Variants in TMTC2 observed in about 807,000 individuals in gnomAD.
TMTC2 encodes the protein transmembrane O-mannosyltransferase targeting cadherins 2.
A neutral mutation model predicts 82.4 loss-of-function variants in TMTC2; 43 were observed. The ratio of observed to expected loss-of-function variants is 0.52; its 90% CI spans 0.41 to 0.67. TMTC2 has a LOEUF of 0.67. Ranked by LOEUF, TMTC2 falls within the 30% of genes least tolerant of loss-of-function variation. TMTC2 has a pLI of 0.00. For synonymous variants in TMTC2, 408 were observed against 381.9 expected, an observed-to-expected ratio of 1.07 and a Z score of -0.80; for missense variants, 919 against 1,012.4, an observed-to-expected ratio of 0.91 and a Z score of 1.25.
intron 1 of TMTC2, among the ~76,000 whole-genome samples, chr12:82,828,624 T>C (rs976237291): frequency 1.3e-5 from 2 of 152,182 alleles, no homozygotes; most frequent in Admixed American, 6.5e-5. Flanking sequence ...CTAGGTTGTT[T>C]AGAGGAAAAG....
intron 2 of TMTC2, among the ~76,000 whole-genome samples, chr12:82,863,232 T>G (rs2137123719): frequency 6.6e-6 from 1 of 152,292 alleles, no homozygotes; most frequent in African/African-American, 2.4e-5. Context: ...ACTCAACACC[T>G]GTGCCACTCT....
At chr12:82,691,433 G>A (rs1872573300) in intron 1 of TMTC2, among the ~76,000 whole-genome samples, 1 of 151,998 alleles carries the variant, frequency 6.6e-6, no homozygotes, top group Non-Finnish European at 1.5e-5. Context: ...TTTCATTTGG[G>A]TATAAATGGA....
Position 82,857,463 on chromosome 12 carries a change from A to C in TMTC2, c.537A>C (p.Ala179=). The change falls in exon 2 of 12, where the codon GCA becomes GCC. Residue 179 remains alanine, a synonymous_variant. Coordinates refer to ENST00000321196, the MANE Select transcript of TMTC2 (RefSeq NM_152588.3). Reference sequence around the variant, plus strand: ...GGTTCCTGGGGTCAGGACTGTGCGCAGGATGCAGCATGTTGTGGAAGGAAC... The same window carrying C: ...GGTTCCTGGGGTCAGGACTGTGCGCCGGATGCAGCATGTTGTGGAAGGAAC... ...WGWFLGSGLC[A]GCSMLWKEQG... 6.2e-7 allele frequency: 1 copy of C among 1,614,236 alleles called. No homozygotes were observed. The highest frequency in any genetic ancestry group is 8.5e-7 in the Non-Finnish European group (1 of 1,180,048).
At chr12:82,828,629 G>A (rs1242953518) in intron 1 of TMTC2, among the ~76,000 whole-genome samples, 1 of 152,062 alleles carries the variant, frequency 6.6e-6, no homozygotes, top group Non-Finnish European at 1.5e-5. Flanking sequence ...TTGTTTAGAG[G>A]AAAAGAAACA....
intron 1 of TMTC2, among the ~76,000 whole-genome samples, chr12:82,820,262 T>C (rs11115442): frequency 0.1 from 15,811 of 152,184 alleles, 2,776 homozygotes; most frequent in African/African-American, 0.36. Context: ...TTGCCAACAC[T>C]GTCATAGACA....
At chr12:82,960,284 T>C (rs928596572) in intron 4 of TMTC2, among the ~76,000 whole-genome samples, 1 of 152,088 alleles carries the variant, frequency 6.6e-6, no homozygotes, top group Non-Finnish European at 1.5e-5. Context: ...ACTGGGTATG[T>C]ACCCAGAGGA....
intron 1 of TMTC2, among the ~76,000 whole-genome samples, chr12:82,741,062 A>G (rs1215613653): frequency 6.6e-6 from 1 of 152,196 alleles, no homozygotes; most frequent in African/African-American, 2.4e-5. Flanking sequence ...GGGGTCATGT[A>G]CTTTAGTGAT....
intron 2 of TMTC2, 140 bp downstream of exon 2, chr12:82,857,720 G>T (rs937419200): frequency 2.7e-6 from 2 of 737,926 alleles, no homozygotes; most frequent in African/African-American, 3.5e-5. Context: ...GTAAGTGGAA[G>T]TGTCCTTTTG....
At chr12:82,721,453 A>G (rs1180270044) in intron 1 of TMTC2, among the ~76,000 whole-genome samples, 1 of 152,136 alleles carries the variant, frequency 6.6e-6, no homozygotes, top group East Asian at 1.9e-4. Flanking sequence ...TGGTTTAGCC[A>G]CTTGAACTAC....
rs187550788 is a variant in TMTC2 at position 82,804,700 on chromosome 12, G to A, written c.84-52310G>A. On this transcript the variant is annotated intron_variant, in intron 1 of 11. Coordinates refer to ENST00000321196, the MANE Select transcript of TMTC2 (RefSeq NM_152588.3). The stretch of plus-strand genomic sequence containing the variant: ...GTTTTCAGAAGGAGTAACTTTTTCC[G>A]GTATTGAATAGTGCAGTGAGGCTTT... 2.0e-3 allele frequency among the ~76,000 whole-genome samples: 302 copies of A among 152,062 alleles called. 2 individuals are homozygous for A. Among genetic ancestry groups the A allele is most frequent in the Admixed American group, 5.8e-3 (88 of 15,280 alleles).
At chr12:82,709,185 C>A (rs780523534) in intron 1 of TMTC2, among the ~76,000 whole-genome samples, 1 of 151,588 alleles carries the variant, frequency 6.6e-6, no homozygotes, top group Non-Finnish European at 1.5e-5. Flanking sequence ...CAAATGGTTG[C>A]AGTTTGAATG....
At chr12:82,694,419 A>C (rs1364314351) in intron 1 of TMTC2, among the ~76,000 whole-genome samples, 1 of 152,226 alleles carries the variant, frequency 6.6e-6, no homozygotes, top group East Asian at 1.9e-4. Flanking sequence ...TTATTCCTGT[A>C]CCACATTGCT....
chr12:82,769,430 T>C (rs750297231), intron 1 of TMTC2, among the ~76,000 whole-genome samples: 14 of 151,854 alleles, frequency 9.2e-5, no homozygotes, highest in Non-Finnish European at 1.9e-4. Flanking sequence ...GAGCTGAGAT[T>C]GTGCCACTGT....
At chr12:82,960,884 C>A (rs934854605) in intron 4 of TMTC2, among the ~76,000 whole-genome samples, 3 of 151,752 alleles carry the variant, frequency 2.0e-5, no homozygotes, top group African/African-American at 7.3e-5. Context: ...AAGATTTGGA[C>A]ATGATCTGCA....
chr12:82,735,507 G>A (rs1005967892), intron 1 of TMTC2, among the ~76,000 whole-genome samples: 21 of 151,806 alleles, frequency 1.4e-4, no homozygotes, highest in South Asian at 2.1e-4. Flanking sequence ...CACCACGCCC[G>A]GCTAATTTTT....
At chr12:82,937,211 C>G (rs1592640492) in intron 4 of TMTC2, among the ~76,000 whole-genome samples, 1 of 152,116 alleles carries the variant, frequency 6.6e-6, no homozygotes, top group Non-Finnish European at 1.5e-5. Flanking sequence ...GATCTGAAAA[C>G]TAGAAATTCG....
chr12:83,027,795 T>C (rs965807158), intron 8 of TMTC2, among the ~76,000 whole-genome samples: 1 of 152,200 alleles, frequency 6.6e-6, no homozygotes, highest in African/African-American at 2.4e-5. Context: ...TTTGGTCCAC[T>C]GAGCAACAAG....
intron 10 of TMTC2, among the ~76,000 whole-genome samples, chr12:83,055,720 G>T (rs1471707666): frequency 6.6e-6 from 1 of 151,706 alleles, no homozygotes; most frequent in African/African-American, 2.4e-5. Context: ...GTGTGTGTGT[G>T]TGTGTGTGTG....
rs1871326663 is a variant in TMTC2, at chr12:82,857,585, GTGAT to G, written c.654+8_654+11del. The G allele has an allele frequency of 7.5e-6, 12 of 1,591,436 alleles. No individual in the cohort carries two copies. Among genetic ancestry groups the G allele is most frequent in the African/African-American group, 1.3e-5 (1 of 74,540 alleles). On this transcript the variant is annotated splice_donor_region_variant and intron_variant, in intron 2 of 11. Transcript: ENST00000321196. ...ATATTACCTACCATTTACAAAGTAA[GTGAT>G]TGTTGGCTCTTGAGCATTGGATTAC... is the stretch of plus-strand genomic sequence containing the variant.
Sources: gnomAD v4.1 joint callset for allele counts (sites outside exome capture counted in the v4.1 genomes callset) on GRCh38, gnomAD v4.1.1 for gene constraint, MANE v1.5 for transcripts, NCBI Gene and HGNC (gene_info 2026-07-23, HGNC 2026-07-21) for gene names.